PCSK2: variants seen among roughly 807,000 people sequenced by gnomAD.
The protein encoded by PCSK2 is proprotein convertase subtilisin/kexin type 2.
A neutral mutation model predicts 69.7 loss-of-function variants in PCSK2; 14 were observed. That is an observed-to-expected ratio of 0.20 (90% CI 0.13 to 0.31). The LOEUF is 0.31. PCSK2 is among the 10% of genes least tolerant of loss of function. PCSK2 has a pLI of 1.00. For missense variants in PCSK2, 544 were observed against 842.5 expected (o/e 0.65, Z 4.39); for synonymous variants, 307 against 320.7 (o/e 0.96, Z 0.46).
At position 17,419,730 on chromosome 20, in the gene PCSK2, CT is replaced by C. The variant is rs531576722; in HGVS notation, c.621-9704del. Among the ~76,000 whole-genome samples the C allele has an allele frequency of 3.2e-4, 48 of 152,320 alleles. No homozygotes were observed. In the South Asian group the frequency reaches 4.1e-3, roughly 13 times the overall value. ...ACGTTTTGTCAATAATCTTGCAGCC[CT>C]GCTCATTTTAGGTCAATGTTTGGTG... On this transcript the variant is annotated intron_variant, in intron 6 of 11. Transcript: ENST00000262545.
chr20:17,272,448 G>C (rs192149708), intron 2 of PCSK2, among the ~76,000 whole-genome samples: 1 of 152,020 alleles, frequency 6.6e-6, no homozygotes, highest in Non-Finnish European at 1.5e-5. Flanking sequence ...TTGAAGGATC[G>C]AGGTATTGGT....
At chr20:17,365,140 G>A (rs1409011736) in intron 4 of PCSK2, among the ~76,000 whole-genome samples, 1 of 152,112 alleles carries the variant, frequency 6.6e-6, no homozygotes, top group Non-Finnish European at 1.5e-5. Context: ...TGGAGGCTGG[G>A]AAATCACAAA....
At chr20:17,408,931 C>A (rs1568637027) in intron 5 of PCSK2, among the ~76,000 whole-genome samples, 1 of 152,178 alleles carries the variant, frequency 6.6e-6, no homozygotes, top group Non-Finnish European at 1.5e-5. Context: ...GAAGCTTACC[C>A]TACATCTTGG....
chr20:17,324,183 G>A (rs1470005938), intron 2 of PCSK2, among the ~76,000 whole-genome samples: 1 of 152,046 alleles, frequency 6.6e-6, no homozygotes, highest in Admixed American at 6.6e-5. Flanking sequence ...GTTGCTTTTT[G>A]GGATTGCCTC....
chr20:17,403,995 G>A (rs2031699884), intron 5 of PCSK2, among the ~76,000 whole-genome samples: 1 of 152,152 alleles, frequency 6.6e-6, no homozygotes, highest in African/African-American at 2.4e-5. Context: ...CCCTGTCTAT[G>A]GGCAAATTAG....
At chr20:17,281,320 C>G (rs1393623469) in intron 2 of PCSK2, among the ~76,000 whole-genome samples, 1 of 152,182 alleles carries the variant, frequency 6.6e-6, no homozygotes, top group Non-Finnish European at 1.5e-5. Flanking sequence ...AACACTTCTC[C>G]TGGCCCTGAT....
At chr20:17,479,065 A>T in intron 11 of PCSK2, 1 of 1,243,326 alleles carries the variant, frequency 8.0e-7, no homozygotes, top group Non-Finnish European at 1.2e-6. Context: ...TAATGGCTTT[A>T]ACCCAACATT....
intron 9 of PCSK2, among the ~76,000 whole-genome samples, chr20:17,454,347 T>A (rs781741972): frequency 9.2e-5 from 14 of 152,200 alleles, no homozygotes; most frequent in Non-Finnish European, 2.1e-4. Flanking sequence ...AACCCATCTG[T>A]TTATTTATAG....
chr20:17,440,272 C>T (rs752750481), intron 8 of PCSK2, among the ~76,000 whole-genome samples: 2 of 152,170 alleles, frequency 1.3e-5, no homozygotes, highest in Non-Finnish European at 2.9e-5. Flanking sequence ...CCACAGATGC[C>T]GCATTTTAAC....
At chr20:17,314,226 AC>A (rs1028529128) in intron 2 of PCSK2, among the ~76,000 whole-genome samples, 18 of 152,084 alleles carry the variant, frequency 1.2e-4, no homozygotes, top group Admixed American at 3.3e-4. Context: ...AAGATTTCCA[AC>A]CTGCTTTGAT....
chr20:17,328,185 GTT>G (rs1370478490), intron 2 of PCSK2, among the ~76,000 whole-genome samples: 3 of 152,044 alleles, frequency 2.0e-5, no homozygotes, highest in African/African-American at 7.2e-5. Flanking sequence ...TTAAATTTAA[GTT>G]TCATTAAAGA....
intron 5 of PCSK2, among the ~76,000 whole-genome samples, chr20:17,400,711 A>G (rs757073129): frequency 1.3e-5 from 2 of 152,118 alleles, no homozygotes; most frequent in Non-Finnish European, 2.9e-5. Context: ...TCTCAGAACT[A>G]CTCTATACTT....
intron 9 of PCSK2, among the ~76,000 whole-genome samples, chr20:17,455,317 A>C (rs2032899494): frequency 6.6e-6 from 1 of 152,170 alleles, no homozygotes. Context: ...CAGACAGAGG[A>C]AGAATTCCCG....
At chr20:17,261,851 G>A (rs1987400394) in intron 2 of PCSK2, among the ~76,000 whole-genome samples, 1 of 152,174 alleles carries the variant, frequency 6.6e-6, no homozygotes, top group Admixed American at 6.5e-5. Flanking sequence ...TTTTAGTTAT[G>A]TATTTTCTTA....
intron 11 of PCSK2, among the ~76,000 whole-genome samples, chr20:17,467,048 A>C (rs754023171): frequency 2.6e-4 from 39 of 152,152 alleles, no homozygotes; most frequent in Non-Finnish European, 4.6e-4. Flanking sequence ...CCAGGGTCAT[A>C]TTTCCGAGGA....
chr20:17,472,796 A>G (rs944491200), intron 11 of PCSK2, among the ~76,000 whole-genome samples: 5 of 152,128 alleles, frequency 3.3e-5, no homozygotes, highest in African/African-American at 1.2e-4. Context: ...CGAGCTCCTG[A>G]CCTCAGGTGA....
chr20:17,434,231 C>G (rs910523755), intron 7 of PCSK2, among the ~76,000 whole-genome samples: 4 of 151,254 alleles, frequency 2.6e-5, no homozygotes, highest in Admixed American at 6.6e-5. Context: ...GCCTCTCTCC[C>G]TCTCTCTCTC....
At chr20:17,371,900 T>C (rs1021219508) in intron 5 of PCSK2, among the ~76,000 whole-genome samples, 2 of 152,104 alleles carry the variant, frequency 1.3e-5, no homozygotes. Flanking sequence ...ATGGGTGGAC[T>C]CCAAGCCATA....
At chr20:17,326,879 C>T (rs1270163337) in intron 2 of PCSK2, among the ~76,000 whole-genome samples, 4 of 152,134 alleles carry the variant, frequency 2.6e-5, no homozygotes, top group African/African-American at 9.7e-5. Flanking sequence ...ATCTTCAATC[C>T]GGGGGAGGCC....
Sources: gnomAD v4.1 joint callset for allele counts (sites outside exome capture counted in the v4.1 genomes callset) on GRCh38, gnomAD v4.1.1 for gene constraint, MANE v1.5 for transcripts, NCBI Gene and HGNC (gene_info 2026-07-23, HGNC 2026-07-21) for gene names.